The following MEGF6 variants were observed in gnomAD, a reference collection of about 807,000 sequenced individuals.
MEGF6 encodes the protein multiple EGF like domains 6, also known as multiple epidermal growth factor-like domains protein 6.
In MEGF6, 184 loss-of-function variants were observed where a neutral mutation model predicts 207.1. The observed-to-expected ratio is 0.89, with a 90% CI of 0.79 to 1.00. The LOEUF (loss-of-function observed/expected upper bound fraction) is 1.00. Among genes scored for constraint, MEGF6 ranks in the 50% least tolerant of loss-of-function variants. MEGF6 has a pLI of 0.00. For synonymous variants in MEGF6, 1,038 were observed against 910.0 expected (o/e 1.14, Z -2.53); for missense variants, 2,282 against 2,202.9 (o/e 1.04, Z -0.72).
intron 4 of MEGF6, among the ~76,000 whole-genome samples, chr1:3,525,439 G>A (rs908817686): frequency 4.6e-5 from 7 of 152,260 alleles, no homozygotes; most frequent in Admixed American, 4.6e-4. Context: ...AGCCAAGGGG[G>A]CAGAGCAGCA....
At chr1:3,539,920 C>T (rs1308082955) in intron 4 of MEGF6, among the ~76,000 whole-genome samples, 2 of 152,186 alleles carry the variant, frequency 1.3e-5, no homozygotes, top group African/African-American at 2.4e-5. Context: ...CTGCAGCCTG[C>T]GAGAGTTACG....
chr1:3,576,985 AGCCCTGCACACTCCACCCCTGCACACCTG>A (rs1458198610), intron 4 of MEGF6, among the ~76,000 whole-genome samples: 119 of 127,888 alleles, frequency 9.3e-4, no homozygotes, highest in African/African-American at 3.6e-3. Context: ...CTGCATGCCC[AGCCCTGCACACTCCACCCCTGCACACCTG>A]GCCCTGCACA....
chr1:3,497,026 G>A lies in MEGF6; in HGVS notation c.3575C>T (p.Ser1192Leu), dbSNP rs1423563581. The A allele has an allele frequency of 8.4e-6, 13 of 1,552,294 alleles. No homozygotes were observed. In the African/African-American group the frequency reaches 1.6e-4, roughly 20 times the overall value. ...GGGGCCGTGGTAGCCAGCAGCACAT[G>A]AGCAGGTCCCGGTGGCAGGGTGGCA... ...PACHPATGTC[S>L]CAAGYHGPSC... The change falls in exon 28 of 37, where the codon TCA becomes TTA. Residue 1192 changes from serine to leucine, a missense_variant. By Grantham distance (145) the Ser-to-Leu change is moderately radical. Transcript: ENST00000356575.
At chr1:3,566,090 C>T (rs1367562422) in intron 4 of MEGF6, among the ~76,000 whole-genome samples, 2 of 152,182 alleles carry the variant, frequency 1.3e-5, no homozygotes, top group Non-Finnish European at 1.5e-5. Flanking sequence ...AGGCCAGCAC[C>T]GGCTGGAGAC....
At chr1:3,524,102 A>G in intron 5 of MEGF6, 22 bp downstream of exon 5, 1 of 1,607,768 alleles carries the variant, frequency 6.2e-7, no homozygotes, top group Non-Finnish European at 8.5e-7. Flanking sequence ...GAGCCCAGGC[A>G]GGGTCTCCAG....
chr1:3,492,640 T>C lies in MEGF6; in HGVS notation c.4515A>G (p.Glu1505=). ...VDGYMGPTCR[E]GGPLRLPENP... is the part of the protein sequence containing the mutation. ...CCTTCCCCAGGAAGCCCAGCTCACCTTCCCGGCACGTGGGCCCCATGTAGC... is the reference window on the plus strand; with the variant it reads ...CCTTCCCCAGGAAGCCCAGCTCACCCTCCCGGCACGTGGGCCCCATGTAGC... Residue 1505 remains glutamate, a splice_region_variant and synonymous_variant, in exon 35 of 37, where the codon GAA becomes GAG. Transcript: ENST00000356575. 1.2e-6 allele frequency: 2 copies of C among 1,608,234 alleles called. No homozygotes were observed. The highest frequency in any genetic ancestry group is 8.5e-7 in the Non-Finnish European group (1 of 1,176,202).
intron 4 of MEGF6, among the ~76,000 whole-genome samples, chr1:3,530,681 GAGCTCTGGAGACCCCGGAGACTC>G (rs1347740104): frequency 6.6e-6 from 1 of 152,246 alleles, no homozygotes; most frequent in Non-Finnish European, 1.5e-5. Context: ...CAAAGGGGCT[GAGCTCTGGAGACCCCGGAGACTC>G]AGCTCCGGGG....
intron 4 of MEGF6, among the ~76,000 whole-genome samples, chr1:3,570,956 G>T (rs1557784377): frequency 6.6e-6 from 1 of 152,100 alleles, no homozygotes; most frequent in African/African-American, 2.4e-5. Context: ...GGCACACGGG[G>T]ACACACACAC....
rs763762867 is a variant in MEGF6 at position 3,495,978 on chromosome 1, C to T, written c.3783G>A (p.Val1261=). 6.4e-6 allele frequency: 10 copies of T among 1,568,910 alleles called. No homozygotes were observed. Among genetic ancestry groups the T allele is most frequent in the Non-Finnish European group, 8.6e-6 (10 of 1,164,818 alleles). ...AGGCCGCCCCCTGCCCACACCCACA[C>T]ACGTGGGTGCAGTTGGGGCCGAAGC... The part of the protein sequence containing the change: ...QGRFGPNCTH[V]CGCGQGAACD... Residue 1261 remains valine (V), a synonymous_variant, in exon 30 of 37, where the codon GTG becomes GTA. Coordinates refer to ENST00000356575, the MANE Select transcript of MEGF6 (RefSeq NM_001409.4).
At chr1:3,566,194 C>T (rs1426206414) in intron 4 of MEGF6, among the ~76,000 whole-genome samples, 1 of 152,204 alleles carries the variant, frequency 6.6e-6, no homozygotes. Flanking sequence ...GCCCAGGCCC[C>T]CGGCTTGACC....
At chr1:3,577,744 C>T (rs1643681103) in intron 4 of MEGF6, among the ~76,000 whole-genome samples, 1 of 152,198 alleles carries the variant, frequency 6.6e-6, no homozygotes, top group South Asian at 2.1e-4. Context: ...ACCCCACCCC[C>T]AAGCACCCAA....
intron 4 of MEGF6, among the ~76,000 whole-genome samples, chr1:3,559,261 A>C (rs188480072): frequency 2.1e-3 from 315 of 152,164 alleles, no homozygotes; most frequent in Non-Finnish European, 3.6e-3. Flanking sequence ...TCATTCCAAA[A>C]CTACTACCTT....
intron 4 of MEGF6, among the ~76,000 whole-genome samples, chr1:3,529,399 A>C (rs1570064512): frequency 6.6e-6 from 1 of 152,250 alleles, no homozygotes; most frequent in South Asian, 2.1e-4. Context: ...GCCCCAGGCC[A>C]AGCCCCACAC....
Position 3,505,442 on chromosome 1 carries a change from C to G in MEGF6, c.2033G>C (p.Arg678Pro). The G allele has an allele frequency of 1.9e-6, 3 of 1,611,156 alleles. No homozygotes were observed. The highest frequency in any genetic ancestry group is 1.1e-5 in the South Asian group (1 of 90,842). ...CTCACCTGCCTGACAGCGCTCGCCC[C>G]GGAAGCCAGCCTTGCAGGAGCAGCT... The part of the protein sequence containing the change: ...DGSCSCKAGF[R>P]GERCQAECEL... Residue 678 changes from arginine to proline, a missense_variant, in exon 16 of 37, where the codon CGG becomes CCG. Coordinates refer to ENST00000356575, the MANE Select transcript of MEGF6 (RefSeq NM_001409.4).
rs1197613818 is a variant in MEGF6, at chr1:3,489,218, A to G, written c.*1310T>C. Among the ~76,000 whole-genome samples the G allele has an allele frequency of 6.6e-6, 1 of 152,140 alleles. No homozygotes were observed. The highest frequency in any genetic ancestry group is 2.4e-5 in the African/African-American group (1 of 41,420). ...TCCATTCATCAGCTTCCTCTGTGAC[A>G]GCTCCCTTGCTGTCTGTGAGCAACC... On this transcript the variant is annotated 3_prime_UTR_variant, in exon 37 of 37. Coordinates refer to ENST00000356575, the MANE Select transcript of MEGF6 (RefSeq NM_001409.4).
chr1:3,513,023 G>C (rs1641409099), intron 7 of MEGF6, among the ~76,000 whole-genome samples: 1 of 152,150 alleles, frequency 6.6e-6, no homozygotes, highest in Non-Finnish European at 1.5e-5. Flanking sequence ...TGGTGTGGCA[G>C]AGGGGGCAGC....
chr1:3,501,388 G>A lies in MEGF6; in HGVS notation c.2315-80C>T, dbSNP rs1640857571. On this transcript the variant is annotated intron_variant, in intron 18 of 36. Transcript: ENST00000356575. ...CAACATAACATGGCACGATGCCCCT[G>A]GAGCCACGGCCGAGGAGGTGGAACC... The A allele has an allele frequency of 2.7e-6, 4 of 1,502,030 alleles. 1 individual carries two copies. The highest frequency in any genetic ancestry group is 2.0e-5 in the Admixed American group (1 of 49,340). 93.0% of individuals were successfully genotyped at this position (1,502,030 alleles called of 1,614,324 possible).
intron 3 of MEGF6, among the ~76,000 whole-genome samples, chr1:3,588,971 C>T (rs1046154635): frequency 6.6e-6 from 1 of 152,130 alleles, no homozygotes; most frequent in Non-Finnish European, 1.5e-5. Context: ...AAATCCTGTC[C>T]CCCAAATATT....
rs1640225260 is a variant in MEGF6, at chr1:3,488,404, G to A, written c.*2124C>T. On this transcript the variant is annotated 3_prime_UTR_variant, in exon 37 of 37. Transcript: ENST00000356575. ...CCCTCACACCATGCTGAGACTGTCG[G>A]GGGTTCCCATTGGGGAGTAATGGTG... Among the ~76,000 whole-genome samples, 1 of 152,190 alleles carries A rather than the reference G, an allele frequency of 6.6e-6. No homozygotes were observed.
Sources: gnomAD v4.1 joint callset for allele counts (sites outside exome capture counted in the v4.1 genomes callset) on GRCh38, gnomAD v4.1.1 for gene constraint, MANE v1.5 for transcripts, NCBI Gene and HGNC (gene_info 2026-07-23, HGNC 2026-07-21) for gene names.